The following SCNN1B variants were observed in gnomAD, a reference collection of about 807,000 sequenced individuals.
SCNN1B encodes sodium channel epithelial 1 subunit beta.
A neutral mutation model predicts 65.3 loss-of-function variants in SCNN1B; 46 were observed. The ratio of observed to expected loss-of-function variants is 0.70; its 90% CI spans 0.56 to 0.90. The LOEUF (loss-of-function observed/expected upper bound fraction) is 0.90. Ranked by LOEUF, SCNN1B falls within the 40% of genes least tolerant of loss-of-function variation. The pLI is 0.00. For synonymous variants in SCNN1B, 349 were observed against 330.6 expected (o/e 1.06, Z -0.60); for missense variants, 751 against 830.5 (o/e 0.90, Z 1.18).
rs112886828 is a variant in SCNN1B at position 23,345,009 on chromosome 16, A to AAGAG, written c.-8-3563_-8-3560dup. Among the ~76,000 whole-genome samples the AAGAG allele has an allele frequency of 2.5e-3, 368 of 148,884 alleles. 3 individuals are homozygous for AAGAG. Among genetic ancestry groups the AAGAG allele is most frequent in the African/African-American group, 7.3e-3 (296 of 40,704 alleles). On this transcript the variant is annotated intron_variant, in intron 1 of 12. Transcript: ENST00000343070. ...AGCCTGTCGAGAGAGAGGAGAGAGA[A>AAGAG]AGAGAGAGAGAGAGAGAGAGAGAAC...
chr16:23,301,470 C>T (rs1961084160), upstream of SCNN1B, among the ~76,000 whole-genome samples: 1 of 142,246 alleles, frequency 7.0e-6, no homozygotes, highest in Admixed American at 6.7e-5. Flanking sequence ...AAGAAAAATA[C>T]AAAAGATTCC....
chr16:23,305,556 A>AT lies in SCNN1B; in HGVS notation c.-9+3120dup, dbSNP rs1555483386. Reference sequence around the variant, plus strand: ...ATATTATATATATATATATATATATATATATATATATATATATATATTATA... The same window carrying AT: ...ATATTATATATATATATATATATATATTATATATATATATATATATATTATA... On this transcript the variant is annotated intron_variant, in intron 1 of 12. Transcript: ENST00000343070. Among the ~76,000 whole-genome samples, 42 of 38,612 alleles carry AT rather than the reference A, an allele frequency of 1.1e-3. 1 individual carries two copies. The African/African-American group carries it at 0.014, about 13-fold the overall frequency. The allele number at this position is 38,612 out of a possible 152,430, so 25.3% of individuals were successfully genotyped here.
At chr16:23,365,607 A>AAGAGAGAAAGAGAG (rs879286451) in intron 4 of SCNN1B, among the ~76,000 whole-genome samples, 2 of 76,720 alleles carry the variant, frequency 2.6e-5, no homozygotes, top group Non-Finnish European at 5.9e-5. Flanking sequence ...GAAAGAAAGA[A>AAGAGAGAAAGAGAG]AGAAAGAAAG....
chr16:23,341,685 A>C (rs913449952), intron 1 of SCNN1B, among the ~76,000 whole-genome samples: 1 of 152,246 alleles, frequency 6.6e-6, no homozygotes, highest in African/African-American at 2.4e-5. Flanking sequence ...TATACTGGCC[A>C]TATAATGGAT....
At chr16:23,314,686 T>C (rs1160508405) in intron 1 of SCNN1B, among the ~76,000 whole-genome samples, 1 of 152,130 alleles carries the variant, frequency 6.6e-6, no homozygotes, top group Non-Finnish European at 1.5e-5. Flanking sequence ...AAGTGTAAGG[T>C]TTCGGCTTTT....
At chr16:23,330,443 A>G (rs922998960) in intron 1 of SCNN1B, among the ~76,000 whole-genome samples, 3 of 152,228 alleles carry the variant, frequency 2.0e-5, no homozygotes, top group Non-Finnish European at 4.4e-5. Flanking sequence ...GAAAGAGGCC[A>G]GACAGGATTC....
chr16:23,300,495 T>C (rs1394454317), upstream of SCNN1B, among the ~76,000 whole-genome samples: 1 of 151,982 alleles, frequency 6.6e-6, no homozygotes, highest in Non-Finnish European at 1.5e-5. Flanking sequence ...TAAAGAGATT[T>C]GCAAAAATGC....
intron 1 of SCNN1B, among the ~76,000 whole-genome samples, chr16:23,327,939 G>T (rs2141998935): frequency 6.6e-6 from 1 of 152,350 alleles, no homozygotes; most frequent in African/African-American, 2.4e-5. Context: ...TTCCGGATCA[G>T]TTGGCAAGAC....
Position 23,380,328 on chromosome 16 carries a change from C to A in SCNN1B, c.1543-93C>A. On this transcript the variant is annotated intron_variant, in intron 12 of 12. Transcript: ENST00000343070. This position sits in a 1 kb window ranked among gnomAD's most constrained non-coding sequence, Gnocchi z 5.4. The stretch of plus-strand genomic sequence containing the variant: ...GCCAAGATGGTCACCCCCTCCCGTT[C>A]CCACCCAAGAATCACCTCCCAGGAA... 6.3e-7 allele frequency: 1 copy of A among 1,595,978 alleles called. No individual in the cohort carries two copies. Among genetic ancestry groups the A allele is most frequent in the Non-Finnish European group, 8.6e-7 (1 of 1,165,882 alleles).
rs757139497 is a variant in SCNN1B at position 23,380,196 on chromosome 16, C to T, written c.1542+27C>T. ...TGAGTTTAGGAGTCTCCCAATACCC[C>T]AGCCCTGCCCTGCCCTGACCCCTGC... On this transcript the variant is annotated intron_variant, in intron 12 of 12. Transcript: ENST00000343070. The surrounding 1 kb of genome is among the most constrained non-coding windows in gnomAD (Gnocchi z 5.4). 1 of 1,592,660 alleles carries T rather than the reference C, an allele frequency of 6.3e-7. No individual in the cohort carries two copies. The highest frequency in any genetic ancestry group is 1.7e-5 in the Admixed American group (1 of 59,998).
chr16:23,311,141 GGT>G lies in SCNN1B; in HGVS notation c.-9+8705_-9+8706del, dbSNP rs1367524635. ...TTTCACCCGCAGGAATTGACCCAGTGGTTATCTCTGCATTGGGCACAACTTGT... is the reference window on the plus strand; with the variant it reads ...TTTCACCCGCAGGAATTGACCCAGTGTATCTCTGCATTGGGCACAACTTGT... On this transcript the variant is annotated intron_variant, in intron 1 of 12. Transcript: ENST00000343070. 3.3e-5 allele frequency among the ~76,000 whole-genome samples: 5 copies of G among 152,360 alleles called. No homozygotes were observed. The East Asian group carries it at 9.6e-4, about 29-fold the overall frequency.
intron 1 of SCNN1B, among the ~76,000 whole-genome samples, chr16:23,281,653 C>A (rs1263846507): frequency 6.6e-6 from 1 of 152,130 alleles, no homozygotes. Flanking sequence ...AATGGGTACA[C>A]ATGGACATAC....
chr16:23,302,120 CGCGT>C, upstream of SCNN1B: 1 of 152,628 alleles, frequency 6.6e-6, no homozygotes, highest in South Asian at 2.1e-4. Context: ...GAATGCGGAG[CGCGT>C]GCGTGCGGGG....
At chr16:23,373,629 A>G (rs1288763745) in intron 7 of SCNN1B, among the ~76,000 whole-genome samples, 8 of 152,180 alleles carry the variant, frequency 5.3e-5, no homozygotes, top group Admixed American at 5.2e-4. Flanking sequence ...ATATCAGTGC[A>G]CTGAGTCATA....
intron 1 of SCNN1B, among the ~76,000 whole-genome samples, chr16:23,305,948 A>ATT (rs1049646646): frequency 2.0e-5 from 3 of 152,040 alleles, no homozygotes; most frequent in African/African-American, 7.2e-5. Flanking sequence ...CAGTGGATTA[A>ATT]TTACAAGTTT....
chr16:23,311,269 C>G (rs1462048909), intron 1 of SCNN1B, among the ~76,000 whole-genome samples: 1 of 152,198 alleles, frequency 6.6e-6, no homozygotes, highest in African/African-American at 2.4e-5. Context: ...ACCTTCAGGA[C>G]CAATGTAGGC....
chr16:23,305,567 T>A (rs1271862620), intron 1 of SCNN1B, among the ~76,000 whole-genome samples: 9,679 of 54,320 alleles, frequency 0.18, 2,214 homozygotes, highest in African/African-American at 0.51. Flanking sequence ...TATATATATA[T>A]ATATATATAT....
At chr16:23,329,696 C>T (rs1040407638) in intron 1 of SCNN1B, among the ~76,000 whole-genome samples, 3 of 152,236 alleles carry the variant, frequency 2.0e-5, no homozygotes, top group African/African-American at 7.2e-5. Flanking sequence ...GACCAACTCC[C>T]CAGTAAGGGG....
chr16:23,304,379 C>G (rs1312704456), intron 1 of SCNN1B, among the ~76,000 whole-genome samples: 1 of 152,128 alleles, frequency 6.6e-6, no homozygotes, highest in East Asian at 1.9e-4. Flanking sequence ...CAGGTGTGTG[C>G]ACACACCTCT....
Sources: allele counts gnomAD v4.1 joint callset (sites outside exome capture counted in the v4.1 genomes callset), GRCh38; gene constraint gnomAD v4.1.1; non-coding constraint Gnocchi (gnomAD v3.1); transcripts MANE v1.5; gene names NCBI Gene and HGNC (gene_info 2026-07-23, HGNC 2026-07-21).